Variants in DNAH5 observed in about 807,000 individuals in gnomAD.
DNAH5 encodes dynein axonemal heavy chain 5.
In DNAH5, 372 loss-of-function variants were observed where a neutral mutation model predicts 518.2. The observed-to-expected ratio is 0.72, with a 90% CI of 0.66 to 0.78. The LOEUF (loss-of-function observed/expected upper bound fraction) is 0.78, where lower values mean the gene tolerates loss of function less well. DNAH5 is among the 30% of genes least tolerant of loss of function. DNAH5 has a pLI of 0.00. For synonymous variants in DNAH5, 2,039 were observed against 2,025.9 expected (o/e 1.01, Z -0.17); for missense variants, 5,523 against 5,687.0 (o/e 0.97, Z 0.93).
intron 39 of DNAH5, 92 bp downstream of exon 39, chr5:13,824,107 G>A (rs188403653): frequency 7.9e-7 from 1 of 1,270,200 alleles, no homozygotes; most frequent in South Asian, 1.2e-5. Flanking sequence ...TTTTAAATGA[G>A]CATTTTAAAT....
chr5:14,008,005 T>A (rs1784836344), intron 1 of DNAH5, among the ~76,000 whole-genome samples: 1 of 151,770 alleles, frequency 6.6e-6, no homozygotes, highest in Non-Finnish European at 1.5e-5. Context: ...AAAACCCGTC[T>A]CTACTAAAAA....
chr5:13,806,087 T>C (rs1463319988), intron 47 of DNAH5, among the ~76,000 whole-genome samples: 1 of 152,188 alleles, frequency 6.6e-6, no homozygotes, highest in African/African-American at 2.4e-5. Context: ...AAAACCTTTA[T>C]CCTCAAATAA....
intron 17 of DNAH5, among the ~76,000 whole-genome samples, chr5:13,889,967 A>G (rs1772969547): frequency 6.6e-6 from 1 of 152,178 alleles, no homozygotes; most frequent in Admixed American, 6.5e-5. Flanking sequence ...TATCCTCAAG[A>G]TGCCCACTGG....
intron 5 of DNAH5, 29 bp from the exon 6 acceptor site, chr5:13,920,646 A>C: frequency 6.2e-7 from 1 of 1,613,284 alleles, no homozygotes; most frequent in Non-Finnish European, 8.5e-7. Context: ...AAATAATCAG[A>C]TGATGCTTTT....
chr5:13,751,984 T>C (rs1366252658), intron 64 of DNAH5, 150 bp downstream of exon 64: 1 of 816,594 alleles, frequency 1.2e-6, no homozygotes, highest in African/African-American at 1.7e-5. Flanking sequence ...GATATTTTAA[T>C]CCAAAGTCAA....
At chr5:13,915,527 C>T (rs1390616592) in intron 9 of DNAH5, among the ~76,000 whole-genome samples, 2 of 152,012 alleles carry the variant, frequency 1.3e-5, no homozygotes, top group South Asian at 2.1e-4. Flanking sequence ...ATAATTTTAA[C>T]GTATAAGGAA....
intron 1 of DNAH5, among the ~76,000 whole-genome samples, chr5:13,936,849 CCAG>C (rs1180945393): frequency 1.3e-5 from 2 of 152,156 alleles, no homozygotes; most frequent in Non-Finnish European, 2.9e-5. Flanking sequence ...CCATTGGCAG[CCAG>C]CAGAAGTGGA....
At chr5:13,955,356 G>A (rs1430160955) in intron 1 of DNAH5, among the ~76,000 whole-genome samples, 1 of 152,070 alleles carries the variant, frequency 6.6e-6, no homozygotes, top group Non-Finnish European at 1.5e-5. Flanking sequence ...TTTTCTTCAT[G>A]AATTACCCAG....
At chr5:13,978,952 T>C (rs1782476596) in intron 1 of DNAH5, among the ~76,000 whole-genome samples, 1 of 152,102 alleles carries the variant, frequency 6.6e-6, no homozygotes, top group East Asian at 1.9e-4. Flanking sequence ...ACCACTCTAC[T>C]CTCACCTGGC....
At chr5:13,884,941 A>G (rs772247693) in intron 19 of DNAH5, 48 bp downstream of exon 19, 7 of 1,613,044 alleles carry the variant, frequency 4.3e-6, no homozygotes, top group African/African-American at 1.3e-5. Context: ...CACATACCCC[A>G]GCAACTATGC....
intron 1 of DNAH5, among the ~76,000 whole-genome samples, chr5:14,008,805 G>C (rs1381277861): frequency 6.6e-6 from 1 of 152,196 alleles, no homozygotes; most frequent in Non-Finnish European, 1.5e-5. Flanking sequence ...AACTGCCCAG[G>C]TATCTGTAAT....
At chr5:13,967,937 C>T (rs184731825) in intron 1 of DNAH5, among the ~76,000 whole-genome samples, 1 of 152,108 alleles carries the variant, frequency 6.6e-6, no homozygotes, top group African/African-American at 2.4e-5. Flanking sequence ...CTGATTCTAC[C>T]CATCCATCAG....
chr5:13,942,688 G>A (rs1004006506), intron 1 of DNAH5, among the ~76,000 whole-genome samples: 7 of 151,864 alleles, frequency 4.6e-5, no homozygotes, highest in African/African-American at 1.7e-4. Context: ...CAAGAATCCT[G>A]GTAGGTCGTC....
rs1243099431 is a variant in DNAH5 at position 13,770,902 on chromosome 5, G to C, written c.9452C>G (p.Ser3151Cys). The C allele has an allele frequency of 5.6e-6, 9 of 1,613,966 alleles. No homozygotes were observed. Among genetic ancestry groups the C allele is most frequent in the Admixed American group, 5.0e-5 (3 of 59,992 alleles). The change falls in exon 56 of 79, where the codon TCC becomes TGC. Residue 3151 changes from serine (S) to cysteine (C), a missense_variant. Physicochemically the swap from Ser to Cys is moderately radical, Grantham distance 112. Transcript: ENST00000265104. ...CTTCTCAGCCACCCCATCCTGGAAG[G>C]AGCCCATGCATTGGACCACCTCCTT... The part of the protein sequence containing the change: ...IKKEVVQCMG[S>C]FQDGVAEKCV...
Position 13,870,878 on chromosome 5 carries a change from C to A in DNAH5, c.3723G>T (p.Lys1241Asn). 1.2e-6 allele frequency: 2 copies of A among 1,613,830 alleles called. No homozygotes were observed. Among genetic ancestry groups the A allele is most frequent in the East Asian group, 2.2e-5 (1 of 44,880 alleles). Residue 1241 changes from lysine to asparagine, a missense_variant, in exon 24 of 79, where the codon AAG becomes AAT. Physicochemically the swap from Lys to Asn is moderately conservative, Grantham distance 94. This residue lies in a region of DNAH5 where 5,121 missense variants were observed against 5,223.3 expected (regional missense o/e 0.98). Transcript: ENST00000265104. ...GGTCCTTAATTGGACGATTTAGTTT[C>A]TTATTGAATTCTTCAATAAGCATAA... ...NIFMLIEEFN[K>N]KLNRPIKDLD...
At chr5:13,835,573 C>G (rs1009435657) in intron 35 of DNAH5, among the ~76,000 whole-genome samples, 1 of 152,116 alleles carries the variant, frequency 6.6e-6, no homozygotes, top group African/African-American at 2.4e-5. Flanking sequence ...TCATTGCGAT[C>G]TGCATTTACA....
Position 13,919,289 on chromosome 5 carries a change from C to T in DNAH5, c.862G>A (p.Glu288Lys), listed in dbSNP as rs1776997198. The T allele has an allele frequency of 6.2e-7, 1 of 1,614,146 alleles. No homozygotes were observed. The highest frequency in any genetic ancestry group is 1.7e-5 in the Admixed American group (1 of 60,018). Reference sequence around the variant, plus strand: ...TTGGAGAGTCTTTTTTTCCAGTGCTCCAGCTCCGCTCGTGGCCCAACGTCA... The same window carrying T: ...TTGGAGAGTCTTTTTTTCCAGTGCTTCAGCTCCGCTCGTGGCCCAACGTCA... ...ADDVGPRAEL[E>K]HWKKRLSKFN... Residue 288 changes from glutamate (E) to lysine (K), a missense_variant, in exon 7 of 79, where the codon GAG becomes AAG. By Grantham distance (56) the Glu-to-Lys change is moderately conservative. Transcript: ENST00000265104.
Position 13,824,258 on chromosome 5 carries a change from T to C in DNAH5, c.6520A>G (p.Met2174Val), listed in dbSNP as rs1248954891. The C allele has an allele frequency of 7.4e-6, 12 of 1,613,994 alleles. No individual in the cohort carries two copies. Among genetic ancestry groups the C allele is most frequent in the Non-Finnish European group, 7.6e-6 (9 of 1,179,980 alleles). Residue 2174 changes from methionine to valine, a missense_variant, in exon 39 of 79, where the codon ATG (methionine) becomes GTG (valine). Met to Val is a conservative substitution (Grantham distance 21). Transcript: ENST00000265104. ...ATGACAATCGTGGACTCCGTATCCA[T>C]TGGATTGGCTCTTTTTGCTGCTCCC... Reference protein sequence around the residue: ...TLGAAKRANPMDTESTIVMRV... With the variant: ...TLGAAKRANPVDTESTIVMRV...
intron 1 of DNAH5, among the ~76,000 whole-genome samples, chr5:13,995,653 T>C (rs1783883565): frequency 6.6e-6 from 1 of 152,198 alleles, no homozygotes; most frequent in African/African-American, 2.4e-5. Context: ...AGCAAAATGT[T>C]TTAATTAACT....
Sources: gnomAD v4.1 joint callset for allele counts (sites outside exome capture counted in the v4.1 genomes callset) on GRCh38, gnomAD v4.1.1 for gene constraint, gnomAD v4.1.1 regional missense constraint, MANE v1.5 for transcripts, NCBI Gene and HGNC (gene_info 2026-07-23, HGNC 2026-07-21) for gene names.